INPP4B: variants seen among roughly 807,000 people sequenced by gnomAD.
INPP4B encodes inositol polyphosphate-4-phosphatase type II B.
INPP4B carries 55 observed loss-of-function variants against 122.5 expected under a neutral mutation model. That is an observed-to-expected ratio of 0.45 (90% CI 0.36 to 0.56). The LOEUF is 0.56. Among genes scored for constraint, INPP4B ranks in the 20% least tolerant of loss-of-function variants. The pLI, the probability that INPP4B is intolerant of heterozygous loss-of-function variation, is 0.00. For missense variants in INPP4B, 1,000 were observed against 1,097.7 expected (o/e 0.91, Z 1.26); for synonymous variants, 403 against 388.7 (o/e 1.04, Z -0.43).
At chr4:142,111,423 C>T (rs1301423373) in intron 22 of INPP4B, among the ~76,000 whole-genome samples, 5 of 152,032 alleles carry the variant, frequency 3.3e-5, no homozygotes, top group African/African-American at 7.2e-5. Flanking sequence ...CTCAGCTCAC[C>T]GCAACCTCTG....
chr4:142,656,049 C>T (rs1416327546), intron 2 of INPP4B, among the ~76,000 whole-genome samples: 1 of 152,078 alleles, frequency 6.6e-6, no homozygotes, highest in Non-Finnish European at 1.5e-5. Context: ...GGGAGGGGGT[C>T]CCTGGAGAAA....
At chr4:142,725,512 G>A (rs975348541) in intron 2 of INPP4B, among the ~76,000 whole-genome samples, 1 of 151,964 alleles carries the variant, frequency 6.6e-6, no homozygotes, top group African/African-American at 2.4e-5. Flanking sequence ...CCTATCATTT[G>A]TAAATATGAT....
intron 14 of INPP4B, among the ~76,000 whole-genome samples, chr4:142,206,010 TAACAG>T (rs1398578910): frequency 9.2e-5 from 14 of 152,116 alleles, no homozygotes; most frequent in Non-Finnish European, 2.1e-4. Flanking sequence ...AATTATTCTC[TAACAG>T]TTCCGGAGGC....
intron 2 of INPP4B, among the ~76,000 whole-genome samples, chr4:142,572,744 T>C (rs77072390): frequency 0.053 from 7,990 of 152,072 alleles, 272 homozygotes; most frequent in African/African-American, 0.072. Flanking sequence ...TCTTTAATTG[T>C]ACAATGTGAG....
intron 17 of INPP4B, among the ~76,000 whole-genome samples, 163 bp from the exon 18 acceptor site, chr4:142,146,159 G>C (rs7658492): frequency 1.3e-5 from 2 of 152,090 alleles, no homozygotes. Flanking sequence ...GATATATAAT[G>C]AATCTATGTT....
rs192560057 is a variant in INPP4B at position 142,246,360 on chromosome 4, G to A, written c.689-8349C>T. On this transcript the variant is annotated intron_variant, in intron 11 of 25. Coordinates refer to ENST00000262992, the MANE Select transcript of INPP4B (RefSeq NM_001101669.3). ...AGTCAATGGTAACTTGATGGGGATAGCATTGAATCTACAAATTACTTTGGG... is the reference window on the plus strand; with the variant it reads ...AGTCAATGGTAACTTGATGGGGATAACATTGAATCTACAAATTACTTTGGG... Among the ~76,000 whole-genome samples, 257 of 152,134 alleles carry A rather than the reference G, an allele frequency of 1.7e-3. 1 individual carries two copies. Among genetic ancestry groups the A allele is most frequent in the African/African-American group, 5.9e-3 (244 of 41,492 alleles).
rs572083809 is a variant in INPP4B at position 142,113,722 on chromosome 4, G to T, written c.2136-1040C>A. 1.1e-4 allele frequency among the ~76,000 whole-genome samples: 17 copies of T among 152,028 alleles called. No individual in the cohort carries two copies. In the South Asian group the frequency reaches 3.5e-3, roughly 32 times the overall value. Reference sequence around the variant, plus strand: ...AATAGCCTGGCTAACAGTTTTTCAGGAATATGAGAAGCATCAATGAGTCAG... The same window carrying T: ...AATAGCCTGGCTAACAGTTTTTCAGTAATATGAGAAGCATCAATGAGTCAG... On this transcript the variant is annotated intron_variant, in intron 21 of 25. Transcript: ENST00000262992.
At chr4:142,653,982 A>G (rs1753590129) in intron 2 of INPP4B, among the ~76,000 whole-genome samples, 1 of 152,210 alleles carries the variant, frequency 6.6e-6, no homozygotes, top group Non-Finnish European at 1.5e-5. Flanking sequence ...AATGTCCAAC[A>G]ATGATAGACT....
chr4:142,545,799 ATATATACACATATACATGTGTG>A (rs1434265605), intron 2 of INPP4B, among the ~76,000 whole-genome samples: 1,449 of 90,058 alleles, frequency 0.016, 69 homozygotes, highest in African/African-American at 0.04. Flanking sequence ...ATGTGTGTAT[ATATATACACATATACATGTGTG>A]TATATATATA....
intron 1 of INPP4B, among the ~76,000 whole-genome samples, chr4:142,808,087 G>A (rs572162815): frequency 2.0e-5 from 3 of 149,508 alleles, no homozygotes; most frequent in South Asian, 2.2e-4. Context: ...GTTATTCATT[G>A]ACCTTCATGA....
chr4:142,057,348 G>A (rs1270763067), intron 25 of INPP4B, among the ~76,000 whole-genome samples: 2 of 151,836 alleles, frequency 1.3e-5, no homozygotes, highest in Non-Finnish European at 2.9e-5. Flanking sequence ...TTCTTTATTG[G>A]CTGCCTCTTA....
chr4:142,660,371 G>C (rs1170685058), intron 2 of INPP4B, among the ~76,000 whole-genome samples: 1 of 151,998 alleles, frequency 6.6e-6, no homozygotes, highest in Non-Finnish European at 1.5e-5. Flanking sequence ...TTTCTAGATG[G>C]GTAGCCATTC....
chr4:142,753,180 C>T (rs1769990042), intron 1 of INPP4B, among the ~76,000 whole-genome samples: 1 of 152,060 alleles, frequency 6.6e-6, no homozygotes, highest in South Asian at 2.1e-4. Flanking sequence ...TTACACCAAC[C>T]AGATTTGGAC....
chr4:142,761,170 AT>A (rs34074117), intron 1 of INPP4B, among the ~76,000 whole-genome samples: 78,849 of 145,730 alleles, frequency 0.54, 21,349 homozygotes, highest in East Asian at 0.9. Context: ...AAAATAAGCA[AT>A]TTTTTTTTTT....
At chr4:142,601,301 G>A (rs911168827) in intron 2 of INPP4B, among the ~76,000 whole-genome samples, 3 of 151,922 alleles carry the variant, frequency 2.0e-5, no homozygotes, top group Non-Finnish European at 4.4e-5. Flanking sequence ...CTATATGTTA[G>A]GCCACAAAAC....
intron 2 of INPP4B, among the ~76,000 whole-genome samples, chr4:142,562,481 CA>C (rs1314256339): frequency 3.3e-5 from 5 of 152,102 alleles, no homozygotes; most frequent in Non-Finnish European, 7.4e-5. Flanking sequence ...GGTCACAAAG[CA>C]AATTCTAGGA....
intron 25 of INPP4B, among the ~76,000 whole-genome samples, chr4:142,066,960 G>A (rs779818672): frequency 4.6e-5 from 7 of 152,170 alleles, no homozygotes; most frequent in Non-Finnish European, 1.0e-4. Flanking sequence ...TGTCTGATGG[G>A]TTTGAAGAGA....
chr4:142,579,874 GGTAGGTAGATAGATAGATAGATAGA>G (rs1734658586), intron 2 of INPP4B, among the ~76,000 whole-genome samples: 1 of 119,748 alleles, frequency 8.4e-6, no homozygotes, highest in Non-Finnish European at 1.8e-5. Context: ...TAGATAGATA[GGTAGGTAGATAGATAGATAGATAGA>G]TAGATAGATA....
At chr4:142,088,264 G>A (rs568237625) in intron 23 of INPP4B, among the ~76,000 whole-genome samples, 1 of 152,238 alleles carries the variant, frequency 6.6e-6, no homozygotes, top group East Asian at 1.9e-4. Context: ...GGACAATAAG[G>A]TTGCTTTTTA....
Sources: allele counts gnomAD v4.1 joint callset (sites outside exome capture counted in the v4.1 genomes callset), GRCh38; gene constraint gnomAD v4.1.1; transcripts MANE v1.5; gene names NCBI Gene and HGNC (gene_info 2026-07-23, HGNC 2026-07-21).